COL5A3: variants seen among roughly 807,000 people sequenced by gnomAD.
The protein encoded by COL5A3 is collagen alpha-3(V) chain.
In COL5A3, 172 loss-of-function variants were observed where a neutral mutation model predicts 250.0. That is an observed-to-expected ratio of 0.69 (90% CI 0.61 to 0.78). COL5A3 has a LOEUF of 0.78. Among genes scored for constraint, COL5A3 ranks in the 30% least tolerant of loss-of-function variants. COL5A3 has a pLI of 0.00. For synonymous variants in COL5A3, 937 were observed against 900.4 expected (o/e 1.04, Z -0.73); for missense variants, 2,340 against 2,334.4 (o/e 1.00, Z -0.05).
intron 64 of COL5A3, among the ~76,000 whole-genome samples, chr19:9,965,869 T>C (rs2145052542): frequency 6.6e-6 from 1 of 152,334 alleles, no homozygotes; most frequent in South Asian, 2.1e-4. Flanking sequence ...AGACTTGCTC[T>C]GTCTCCCAGG....
At position 9,979,481 on chromosome 19, in the gene COL5A3, A is replaced by G. The variant is rs1162904149; in HGVS notation, c.2713-64T>C. ...GGGAAGGGATGGAGGAGCAGGAGAC[A>G]GGGAAGGCCTGATAGGATCAGGAAT... On this transcript the variant is annotated intron_variant, in intron 37 of 66. Coordinates refer to ENST00000264828, the MANE Select transcript of COL5A3 (RefSeq NM_015719.4). The G allele has an allele frequency of 3.2e-6, 5 of 1,552,164 alleles. No individual in the cohort carries two copies. In the East Asian group the frequency reaches 1.1e-4, roughly 35 times the overall value.
At position 9,966,643 on chromosome 19, in the gene COL5A3, G is replaced by A. The variant is rs1237570316; in HGVS notation, c.4562C>T (p.Thr1521Ile). ...CTGCTCCAGCTCCAAGCTCAGCGAT[G>A]TGAGCGAGGCCAGCACCTCCTCCAG... ...GGLEEVLASL[T>I]SLSLELEQLR... is the part of the protein sequence containing the mutation. Residue 1521 changes from threonine (T) to isoleucine (I), a missense_variant, in exon 63 of 67, where the codon ACA (threonine) becomes ATA (isoleucine). By Grantham distance (89) the Thr-to-Ile change is moderately conservative (BLOSUM62 -1). This residue lies in a region of COL5A3 where 1,179 missense variants were observed against 1,162.6 expected (regional missense o/e 1.01). Coordinates refer to ENST00000264828, the MANE Select transcript of COL5A3 (RefSeq NM_015719.4). The A allele has an allele frequency of 2.0e-6, 3 of 1,538,430 alleles. No individual in the cohort carries two copies. Among genetic ancestry groups the A allele is most frequent in the Non-Finnish European group, 2.6e-6 (3 of 1,147,146 alleles).
chr19:9,989,001 C>T, intron 27 of COL5A3, 123 bp downstream of exon 27: 1 of 968,072 alleles, frequency 1.0e-6, no homozygotes, highest in Admixed American at 1.8e-5. Flanking sequence ...ACCCCAGTCC[C>T]ACTACATTTG....
At chr19:9,972,518 G>C (rs1406907758) in intron 51 of COL5A3, among the ~76,000 whole-genome samples, 1 of 152,140 alleles carries the variant, frequency 6.6e-6, no homozygotes. Context: ...CAGTAAATTA[G>C]AGGATGCAAT....
In COL5A3 at chr19:10,001,580, C is replaced by T; in HGVS notation, c.1054G>A (p.Gly352Ser). The T allele has an allele frequency of 6.2e-7, 1 of 1,614,084 alleles. No individual in the cohort carries two copies. The highest frequency in any genetic ancestry group is 8.5e-7 in the Non-Finnish European group (1 of 1,180,008). Residue 352 changes from glycine (G) to serine (S), a missense_variant, in exon 8 of 67, where the codon GGC becomes AGC. Gly to Ser is a moderately conservative substitution (Grantham distance 56). This residue lies in a region of COL5A3 where 1,152 missense variants were observed against 1,146.3 expected (regional missense o/e 1.00). Transcript: ENST00000264828. Reference protein sequence around the residue: ...EDEEGDDSTMGPDFRAAEYPS... With the variant: ...EDEEGDDSTMSPDFRAAEYPS... Reference sequence around the variant, plus strand: ...TATTCTGCTGCCCGGAAGTCAGGGCCCATGGTGGAATCATCTCCTTCTTCA... The same window carrying T: ...TATTCTGCTGCCCGGAAGTCAGGGCTCATGGTGGAATCATCTCCTTCTTCA...
At position 10,006,070 on chromosome 19, in the gene COL5A3, C is replaced by T. The variant is rs1461688450; in HGVS notation, c.247+3G>A. 7.4e-6 allele frequency: 12 copies of T among 1,613,680 alleles called. No individual in the cohort carries two copies. The highest frequency in any genetic ancestry group is 9.3e-6 in the Non-Finnish European group (11 of 1,179,796). Reference sequence around the variant, plus strand: ...GGTACCCAGGCCTCCTACTCCAACTCACCTGGAAAGAGTTCCCACGTGGGG... The same window carrying T: ...GGTACCCAGGCCTCCTACTCCAACTTACCTGGAAAGAGTTCCCACGTGGGG... On this transcript the variant is annotated splice_donor_region_variant and intron_variant, in intron 2 of 66. Coordinates refer to ENST00000264828, the MANE Select transcript of COL5A3 (RefSeq NM_015719.4).
At chr19:9,967,067 C>G (rs1308500430) in intron 62 of COL5A3, among the ~76,000 whole-genome samples, 1 of 151,950 alleles carries the variant, frequency 6.6e-6, no homozygotes, top group Non-Finnish European at 1.5e-5. Context: ...TAGACAGAGA[C>G]AGATAAGGGA....
At chr19:9,977,204 T>C in intron 44 of COL5A3, 25 bp downstream of exon 44, 1 of 1,045,286 alleles carries the variant, frequency 9.6e-7, no homozygotes, top group Non-Finnish European at 1.5e-6. Flanking sequence ...CACCCCACCC[T>C]GCCCCACTGG....
chr19:9,991,762 C>T, intron 23 of COL5A3, 26 bp downstream of exon 23: 1 of 1,598,068 alleles, frequency 6.3e-7, no homozygotes, highest in Non-Finnish European at 8.5e-7. Context: ...CTCCCATGCC[C>T]CATTATTGGG....
chr19:9,991,287 G>A (rs1043573694), intron 24 of COL5A3, among the ~76,000 whole-genome samples: 3 of 152,182 alleles, frequency 2.0e-5, no homozygotes, highest in African/African-American at 7.2e-5. Context: ...TGTCTGCCAG[G>A]GAAGGCGGAA....
chr19:10,003,217 C>T (rs1177972649), intron 6 of COL5A3, among the ~76,000 whole-genome samples: 2 of 152,134 alleles, frequency 1.3e-5, no homozygotes, highest in African/African-American at 2.4e-5. Flanking sequence ...GCCAATGATC[C>T]CCCCTTAAAC....
At chr19:10,006,629 G>A (rs969332207) in intron 1 of COL5A3, among the ~76,000 whole-genome samples, 3 of 152,168 alleles carry the variant, frequency 2.0e-5, no homozygotes, top group African/African-American at 7.2e-5. Context: ...GGAAACCCAC[G>A]TGGAGAGGAG....
intron 4 of COL5A3, among the ~76,000 whole-genome samples, chr19:10,004,910 C>A (rs1319748989): frequency 6.6e-6 from 1 of 152,186 alleles, no homozygotes; most frequent in Non-Finnish European, 1.5e-5. Flanking sequence ...CACACGACAC[C>A]ACCAGATCTT....
intron 51 of COL5A3, among the ~76,000 whole-genome samples, chr19:9,972,619 C>A (rs571595447): frequency 6.6e-6 from 1 of 151,500 alleles, no homozygotes; most frequent in African/African-American, 2.5e-5. Context: ...ATGCTGATCA[C>A]GAGGTCAGGA....
intron 25 of COL5A3, 48 bp downstream of exon 25, chr19:9,989,421 C>T (rs780597653): frequency 6.2e-7 from 1 of 1,613,714 alleles, no homozygotes; most frequent in African/African-American, 1.3e-5. Context: ...TTCCAATTCC[C>T]AAGGCTCCCC....
At chr19:10,004,287 A>C in intron 4 of COL5A3, 142 bp from the exon 5 acceptor site, 1 of 640,662 alleles carries the variant, frequency 1.6e-6, no homozygotes, top group Non-Finnish European at 2.8e-6. Context: ...AAGTATAAGG[A>C]AGAGATGACC....
At chr19:9,999,812 G>C (rs1031018668) in intron 8 of COL5A3, among the ~76,000 whole-genome samples, 12 of 151,846 alleles carry the variant, frequency 7.9e-5, no homozygotes, top group African/African-American at 2.9e-4. Context: ...TCTGCCACCC[G>C]GGCTGCAGTG....
intron 21 of COL5A3, 35 bp downstream of exon 21, chr19:9,992,792 G>T (rs1340834448): frequency 6.2e-7 from 1 of 1,608,004 alleles, no homozygotes; most frequent in Non-Finnish European, 8.5e-7. Flanking sequence ...CAAACAAAAA[G>T]ACAGACAGGG....
chr19:9,995,902 C>T (rs1248553166), intron 15 of COL5A3, 164 bp downstream of exon 15: 5 of 778,106 alleles, frequency 6.4e-6, no homozygotes, highest in Non-Finnish European at 1.0e-5. Flanking sequence ...CCTCGGCCTC[C>T]CAAAGTTCTG....
Sources: allele counts gnomAD v4.1 joint callset (sites outside exome capture counted in the v4.1 genomes callset), GRCh38; gene constraint gnomAD v4.1.1; regional missense constraint gnomAD v4.1.1; transcripts MANE v1.5; gene names NCBI Gene and HGNC (gene_info 2026-07-23, HGNC 2026-07-21).